Variants in MND1 observed in about 807,000 individuals in gnomAD.
MND1 encodes the protein meiotic nuclear division protein 1 homolog.
In MND1, 28 loss-of-function variants were observed where a neutral mutation model predicts 35.1. The observed-to-expected ratio is 0.80, with a 90% CI of 0.59 to 1.09. The LOEUF (loss-of-function observed/expected upper bound fraction) is 1.09. Ranked by LOEUF, MND1 falls within the 50% of genes least tolerant of loss-of-function variation. MND1 has a pLI of 0.00. For missense variants in MND1, 213 were observed against 239.6 expected, an observed-to-expected ratio of 0.89 and a Z score of 0.73; for synonymous variants, 69 against 70.5, an observed-to-expected ratio of 0.98 and a Z score of 0.11.
chr4:153,410,557 G>GA (rs1729653277), intron 7 of MND1, among the ~76,000 whole-genome samples: 2 of 152,168 alleles, frequency 1.3e-5, no homozygotes, highest in Admixed American at 6.5e-5. Context: ...GAATTAGGTA[G>GA]ATTGGTAAAA....
intron 2 of MND1, among the ~76,000 whole-genome samples, chr4:153,351,192 G>C (rs951052544): frequency 6.6e-6 from 1 of 152,182 alleles, no homozygotes; most frequent in Non-Finnish European, 1.5e-5. Flanking sequence ...ACAGTAGAAA[G>C]CTGAGGAGAG....
chr4:153,374,800 A>C (rs559425599), intron 4 of MND1, among the ~76,000 whole-genome samples: 15 of 152,198 alleles, frequency 9.9e-5, no homozygotes. Flanking sequence ...ACAGTCTATA[A>C]GCCTCATGGT....
intron 6 of MND1, among the ~76,000 whole-genome samples, chr4:153,403,463 A>G (rs1729399507): frequency 6.6e-6 from 1 of 152,220 alleles, no homozygotes; most frequent in Admixed American, 6.5e-5. Context: ...TAATAGCTTG[A>G]CCACTAAGCT....
intron 4 of MND1, among the ~76,000 whole-genome samples, chr4:153,377,855 A>T (rs1391798698): frequency 6.6e-6 from 1 of 152,082 alleles, no homozygotes; most frequent in East Asian, 1.9e-4. Context: ...ATAATGGACC[A>T]ATTATAGTTG....
chr4:153,372,918 A>G (rs1269007398), intron 4 of MND1, among the ~76,000 whole-genome samples: 1 of 151,914 alleles, frequency 6.6e-6, no homozygotes, highest in East Asian at 1.9e-4. Flanking sequence ...CCCTTGATGT[A>G]TTTATCATTA....
intron 4 of MND1, among the ~76,000 whole-genome samples, chr4:153,378,699 G>A (rs1224816442): frequency 1.3e-5 from 2 of 152,180 alleles, no homozygotes; most frequent in African/African-American, 4.8e-5. Flanking sequence ...GTTGATACCT[G>A]GAATAGTCTC....
intron 4 of MND1, among the ~76,000 whole-genome samples, chr4:153,364,086 T>C (rs1324286512): frequency 6.6e-6 from 1 of 151,944 alleles, no homozygotes; most frequent in Non-Finnish European, 1.5e-5. Flanking sequence ...ATAATAAATT[T>C]TTTTCAAAAG....
rs539972905 is a variant in MND1, at chr4:153,408,175, C to T, written c.467-796C>T. ...GTCTCAGCTGCTCAGAAAACTGAGG[C>T]AGGAGGATTGCTTAAGCCCGCCAGT... On this transcript the variant is annotated intron_variant, in intron 6 of 7. Coordinates refer to ENST00000240488, the MANE Select transcript of MND1 (RefSeq NM_032117.4). 9.9e-5 allele frequency among the ~76,000 whole-genome samples: 15 copies of T among 152,130 alleles called. No homozygotes were observed. The East Asian group carries it at 2.9e-3, about 29-fold the overall frequency.
chr4:153,345,941 G>T (rs1773067568), intron 1 of MND1, among the ~76,000 whole-genome samples: 1 of 150,144 alleles, frequency 6.7e-6, no homozygotes, highest in South Asian at 2.1e-4. Flanking sequence ...GCTCAAACGC[G>T]CGTTGTCCTT....
chr4:153,356,628 A>G (rs1388466839), intron 3 of MND1, among the ~76,000 whole-genome samples: 4 of 149,418 alleles, frequency 2.7e-5, no homozygotes, highest in African/African-American at 7.3e-5. Context: ...TTCTCCACCC[A>G]TACTGAGAGT....
chr4:153,344,721 G>C lies in MND1; in HGVS notation c.-17G>C, dbSNP rs751676271. ...CCAAGCGCGGGCCCGGCCAGCGGAA[G>C]CCCCTGCGCCCGCGCCATGGTAAGG... On this transcript the variant is annotated 5_prime_UTR_variant, in exon 1 of 8. Coordinates refer to ENST00000240488, the MANE Select transcript of MND1 (RefSeq NM_032117.4). 8 of 1,590,696 alleles carry C rather than the reference G, an allele frequency of 5.0e-6. No individual in the cohort carries two copies. Among genetic ancestry groups the C allele is most frequent in the Non-Finnish European group, 6.8e-6 (8 of 1,169,946 alleles).
intron 4 of MND1, among the ~76,000 whole-genome samples, chr4:153,374,721 A>T (rs989985938): frequency 6.6e-6 from 1 of 151,840 alleles, no homozygotes; most frequent in Non-Finnish European, 1.5e-5. Flanking sequence ...AGACATTCTT[A>T]TAAGCTGAAA....
intron 4 of MND1, among the ~76,000 whole-genome samples, chr4:153,364,253 C>T (rs1241481832): frequency 6.6e-6 from 1 of 151,420 alleles, no homozygotes; most frequent in Non-Finnish European, 1.5e-5. Context: ...CTGTGGTGTG[C>T]ATCTGTGGTC....
chr4:153,350,866 T>C (rs1406003625), intron 2 of MND1, among the ~76,000 whole-genome samples: 1 of 148,770 alleles, frequency 6.7e-6, no homozygotes, highest in Non-Finnish European at 1.5e-5. Context: ...TTTCATCATA[T>C]ACAAATGTGA....
intron 2 of MND1, among the ~76,000 whole-genome samples, chr4:153,350,962 A>AAC (rs1773201598): frequency 1.3e-5 from 2 of 151,596 alleles, no homozygotes; most frequent in African/African-American, 4.8e-5. Flanking sequence ...AAAAAAAAAA[A>AAC]AAAAAAACAA....
intron 7 of MND1, 74 bp downstream of exon 7, chr4:153,409,089 C>T: frequency 1.2e-6 from 1 of 849,604 alleles, no homozygotes; most frequent in Non-Finnish European, 1.7e-6. Context: ...AATTCAGATA[C>T]CTTGTGCTAG....
chr4:153,354,168 T>A (rs909035449), intron 2 of MND1, among the ~76,000 whole-genome samples: 15 of 152,254 alleles, frequency 9.9e-5, no homozygotes, highest in African/African-American at 3.6e-4. Flanking sequence ...GCCATAAGAT[T>A]TAAATATTCT....
At chr4:153,375,069 A>G (rs1728462361) in intron 4 of MND1, among the ~76,000 whole-genome samples, 2 of 152,272 alleles carry the variant, frequency 1.3e-5, no homozygotes, top group East Asian at 3.9e-4. Context: ...GTAATGTTTA[A>G]TGTATACTCA....
At chr4:153,387,187 T>C (rs1728892906) in intron 4 of MND1, among the ~76,000 whole-genome samples, 1 of 152,220 alleles carries the variant, frequency 6.6e-6, no homozygotes, top group Non-Finnish European at 1.5e-5. Flanking sequence ...TTTTTGGTCA[T>C]AGATAGGCTG....
Sources: allele counts gnomAD v4.1 joint callset (sites outside exome capture counted in the v4.1 genomes callset), GRCh38; gene constraint gnomAD v4.1.1; transcripts MANE v1.5; gene names NCBI Gene and HGNC (gene_info 2026-07-23, HGNC 2026-07-21).